Variants in ZBTB7C observed in about 807,000 individuals in gnomAD.
The protein encoded by ZBTB7C is zinc finger and BTB domain containing 7C, also known as zinc finger and BTB domain-containing protein 7C.
ZBTB7C carries 8 observed loss-of-function variants against 25.7 expected under a neutral mutation model. The ratio of observed to expected loss-of-function variants is 0.31; its 90% CI spans 0.18 to 0.56. The LOEUF is 0.56. ZBTB7C is among the 20% of genes least tolerant of loss of function. ZBTB7C has a pLI of 0.91. For synonymous variants in ZBTB7C, 394 were observed against 369.0 expected (o/e 1.07, Z -0.78); for missense variants, 824 against 855.2 (o/e 0.96, Z 0.46).
intron 2 of ZBTB7C, among the ~76,000 whole-genome samples, chr18:48,243,192 A>T (rs1462769715): frequency 2.2e-5 from 3 of 138,488 alleles, no homozygotes; most frequent in African/African-American, 8.0e-5. Flanking sequence ...TGAACCTGGG[A>T]GGTGGAGGTT....
chr18:48,110,188 A>G (rs1314148079), intron 3 of ZBTB7C, among the ~76,000 whole-genome samples: 1 of 152,150 alleles, frequency 6.6e-6, no homozygotes, highest in Non-Finnish European at 1.5e-5. Context: ...TGGAACAATC[A>G]TTTTGTGTAT....
intron 1 of ZBTB7C, among the ~76,000 whole-genome samples, chr18:48,388,303 A>T (rs1421418333): frequency 1.3e-5 from 2 of 151,464 alleles, no homozygotes; most frequent in Non-Finnish European, 2.9e-5. Flanking sequence ...TATAAATACG[A>T]ATCTATCTTG....
chr18:48,331,131 C>T (rs1046543468), intron 2 of ZBTB7C, among the ~76,000 whole-genome samples: 5 of 152,158 alleles, frequency 3.3e-5, no homozygotes, highest in African/African-American at 1.2e-4. Context: ...ATTTTCATTG[C>T]TTCCCCAATT....
At chr18:48,296,693 G>C (rs1182677878) in intron 2 of ZBTB7C, among the ~76,000 whole-genome samples, 1 of 152,102 alleles carries the variant, frequency 6.6e-6, no homozygotes, top group Admixed American at 6.5e-5. Context: ...CTAGAGCAGG[G>C]GTCCCCAGTC....
intron 2 of ZBTB7C, among the ~76,000 whole-genome samples, chr18:48,221,843 C>A (rs551536844): frequency 1.7e-4 from 25 of 151,270 alleles, no homozygotes; most frequent in African/African-American, 6.1e-4. Context: ...TCCTAGTCTC[C>A]CTCTATGCTG....
chr18:48,305,060 C>T (rs1028221926), intron 2 of ZBTB7C, among the ~76,000 whole-genome samples: 4 of 152,206 alleles, frequency 2.6e-5, no homozygotes, highest in East Asian at 3.9e-4. Flanking sequence ...GAGAGGACAG[C>T]GCCCCTGCTC....
intron 3 of ZBTB7C, among the ~76,000 whole-genome samples, chr18:48,133,256 G>A (rs1159328440): frequency 6.6e-6 from 1 of 152,240 alleles, no homozygotes; most frequent in Non-Finnish European, 1.5e-5. Context: ...CATGGAGGAG[G>A]GAGGTGCATG....
intron 3 of ZBTB7C, among the ~76,000 whole-genome samples, chr18:48,127,983 T>C (rs1015128142): frequency 7.9e-5 from 12 of 152,216 alleles, no homozygotes; most frequent in Non-Finnish European, 1.0e-4. Context: ...CCCCAAGGCC[T>C]GAGTCATCTG....
At chr18:48,130,352 T>C (rs1339710816) in intron 3 of ZBTB7C, among the ~76,000 whole-genome samples, 1 of 151,944 alleles carries the variant, frequency 6.6e-6, no homozygotes, top group Non-Finnish European at 1.5e-5. Context: ...TCTGGGGGCT[T>C]TAAGGGAAGT....
intron 2 of ZBTB7C, among the ~76,000 whole-genome samples, chr18:48,301,582 G>A (rs1263191304): frequency 1.3e-5 from 2 of 152,148 alleles, no homozygotes; most frequent in South Asian, 2.1e-4. Flanking sequence ...CCTCCCAGCC[G>A]AGTTATGTGA....
At chr18:48,060,067 C>T (rs1254504136) in intron 3 of ZBTB7C, among the ~76,000 whole-genome samples, 3 of 151,798 alleles carry the variant, frequency 2.0e-5, no homozygotes, top group African/African-American at 2.4e-5. Context: ...CATTTTTTTT[C>T]GGCCGGGTGG....
chr18:48,324,788 C>T (rs1217510171), intron 2 of ZBTB7C, among the ~76,000 whole-genome samples: 1 of 152,062 alleles, frequency 6.6e-6, no homozygotes, highest in East Asian at 1.9e-4. Flanking sequence ...CTGGGTTGGG[C>T]TGGGGATGGT....
chr18:48,094,615 A>AT (rs970467186), intron 3 of ZBTB7C, among the ~76,000 whole-genome samples: 3 of 151,348 alleles, frequency 2.0e-5, no homozygotes, highest in South Asian at 2.1e-4. Context: ...CTGAGAGGAC[A>AT]TTTTTTTTTC....
intron 3 of ZBTB7C, among the ~76,000 whole-genome samples, chr18:48,143,303 A>T (rs2040404882): frequency 6.6e-6 from 1 of 152,116 alleles, no homozygotes; most frequent in Admixed American, 6.5e-5. Context: ...TTCTTCCTCC[A>T]GCAGGGTCAC....
chr18:48,087,182 TG>T (rs566938634), intron 3 of ZBTB7C, among the ~76,000 whole-genome samples: 156 of 152,320 alleles, frequency 1.0e-3, no homozygotes, highest in African/African-American at 3.4e-3. Flanking sequence ...ACTGTGCTCC[TG>T]GGCCTGGAGA....
At chr18:48,276,437 C>T (rs113438320) in intron 2 of ZBTB7C, among the ~76,000 whole-genome samples, 12,701 of 131,702 alleles carry the variant, frequency 0.096, 760 homozygotes, top group African/African-American at 0.15. Flanking sequence ...TCTCCCAATG[C>T]TATCCCTCCC....
chr18:48,307,612 A>C (rs1219372357), intron 2 of ZBTB7C, among the ~76,000 whole-genome samples: 7 of 152,222 alleles, frequency 4.6e-5, no homozygotes, highest in Admixed American at 3.3e-4. Flanking sequence ...CACTTTGGGA[A>C]GCCAAGGTGG....
At chr18:48,230,886 T>G (rs1333480931) in intron 2 of ZBTB7C, among the ~76,000 whole-genome samples, 1 of 152,202 alleles carries the variant, frequency 6.6e-6, no homozygotes, top group Non-Finnish European at 1.5e-5. Flanking sequence ...CTGCTCCTGG[T>G]GCCCACTCTG....
intron 3 of ZBTB7C, among the ~76,000 whole-genome samples, chr18:48,179,912 CCCTT>C (rs1265113799): frequency 6.8e-4 from 13 of 19,180 alleles, no homozygotes; most frequent in Admixed American, 1.4e-3. Context: ...CTTCCTTCCT[CCCTT>C]CCTTCCTTCC....
Sources: allele counts gnomAD v4.1 joint callset (sites outside exome capture counted in the v4.1 genomes callset), GRCh38; gene constraint gnomAD v4.1.1; transcripts MANE v1.5; gene names NCBI Gene and HGNC (gene_info 2026-07-23, HGNC 2026-07-21).